The following PSKH1 variants were observed in gnomAD, a reference collection of about 807,000 sequenced individuals.
PSKH1 encodes protein serine kinase H1.
Under a neutral mutation model 26.7 loss-of-function variants are expected in PSKH1, and 12 were observed. That is an observed-to-expected ratio of 0.45 (90% CI 0.29 to 0.73). The LOEUF (loss-of-function observed/expected upper bound fraction) is 0.73. Among genes scored for constraint, PSKH1 ranks in the 30% least tolerant of loss-of-function variants. The pLI is 0.11. For synonymous variants in PSKH1, 213 were observed against 234.3 expected, an observed-to-expected ratio of 0.91 and a Z score of 0.83; for missense variants, 431 against 595.2, an observed-to-expected ratio of 0.72 and a Z score of 2.87.
At position 67,909,884 on chromosome 16, in the gene PSKH1, C is replaced by T. The variant is rs2058168583; in HGVS notation, c.957+178C>T. 1.6e-6 allele frequency: 1 copy of T among 621,674 alleles called. No homozygotes were observed. The highest frequency in any genetic ancestry group is 2.9e-5 in the Admixed American group (1 of 34,202). The allele number at this position is 621,674 out of a possible 1,614,324, so 38.5% of individuals were successfully genotyped here. A position where few individuals can be genotyped will look rare whatever the true frequency, so the allele number is the denominator to read the frequency against. Reference sequence around the variant, plus strand: ...TAGTTTGGGTTCCCTCAAGGTGAGCCCTGAGACAAGGACTTGGGAGCAGAT... The same window carrying T: ...TAGTTTGGGTTCCCTCAAGGTGAGCTCTGAGACAAGGACTTGGGAGCAGAT... On this transcript the variant is annotated intron_variant, in intron 2 of 2. Transcript: ENST00000291041. The surrounding 1 kb of genome is among the most constrained non-coding windows in gnomAD (Gnocchi z 7.8).
At chr16:67,907,064 C>T (rs918922721) in intron 1 of PSKH1, among the ~76,000 whole-genome samples, 2 of 149,982 alleles carry the variant, frequency 1.3e-5, no homozygotes, top group Admixed American at 6.6e-5. Flanking sequence ...CCCGGGTTCA[C>T]GCCATTCTCC....
At chr16:67,903,624 A>G (rs1412243762) in intron 1 of PSKH1, among the ~76,000 whole-genome samples, 1 of 151,770 alleles carries the variant, frequency 6.6e-6, no homozygotes, top group Non-Finnish European at 1.5e-5. Context: ...AGTAACCCAC[A>G]GTAAATGTCA....
intron 1 of PSKH1, among the ~76,000 whole-genome samples, chr16:67,907,677 T>A (rs1007813695): frequency 6.6e-6 from 1 of 152,130 alleles, no homozygotes; most frequent in Non-Finnish European, 1.5e-5. Flanking sequence ...GGGCCTTGTG[T>A]GGGATTTCAG....
intron 2 of PSKH1, among the ~76,000 whole-genome samples, chr16:67,914,820 A>G (rs1353608112): frequency 1.3e-5 from 2 of 152,174 alleles, no homozygotes; most frequent in African/African-American, 4.8e-5. Context: ...TTCTGGGAGC[A>G]CTGCATGGTG....
chr16:67,913,928 C>T, intron 2 of PSKH1, among the ~76,000 whole-genome samples: 2 of 151,930 alleles, frequency 1.3e-5, no homozygotes, highest in East Asian at 3.9e-4. Flanking sequence ...GAAGAGGGAA[C>T]CTGGAATTTG....
intron 2 of PSKH1, among the ~76,000 whole-genome samples, chr16:67,926,246 G>A (rs928886294): frequency 2.0e-5 from 3 of 152,188 alleles, no homozygotes; most frequent in Non-Finnish European, 4.4e-5. Context: ...TCACCTGGCT[G>A]AGCCCCAAGG....
chr16:67,899,541 T>G (rs963007202), intron 1 of PSKH1, among the ~76,000 whole-genome samples: 1 of 152,172 alleles, frequency 6.6e-6, no homozygotes, highest in Non-Finnish European at 1.5e-5. Flanking sequence ...TTCACCATGT[T>G]AGCCAGGATG....
chr16:67,922,013 T>C (rs1207133645), intron 2 of PSKH1, among the ~76,000 whole-genome samples: 2 of 151,960 alleles, frequency 1.3e-5, no homozygotes, highest in Non-Finnish European at 2.9e-5. Flanking sequence ...TAAAACTGCA[T>C]TATCTTCCCT....
rs150167118 is a variant in PSKH1, at chr16:67,909,040, G to A, written c.291G>A (p.Lys97=). 83 of 1,614,196 alleles carry A rather than the reference G, an allele frequency of 5.1e-5. No homozygotes were observed. The highest frequency in any genetic ancestry group is 5.3e-5 in the Non-Finnish European group (63 of 1,180,044). ...AGTTTGACCCACGTGTTACAGCTAAGTATGACATCAAGGCCCTAATTGGCC... is the reference window on the plus strand; with the variant it reads ...AGTTTGACCCACGTGTTACAGCTAAATATGACATCAAGGCCCTAATTGGCC... ...RAKFDPRVTA[K]YDIKALIGRG... Residue 97 remains lysine (K), a synonymous_variant, in exon 2 of 3, where the codon AAG becomes AAA. Transcript: ENST00000291041. This position sits in a 1 kb window ranked among gnomAD's most constrained non-coding sequence, Gnocchi z 7.8.
intron 1 of PSKH1, among the ~76,000 whole-genome samples, chr16:67,895,549 C>T: frequency 6.6e-6 from 1 of 151,984 alleles, no homozygotes; most frequent in East Asian, 1.9e-4. Flanking sequence ...GCTGGGATTA[C>T]AATCACGCAT....
At chr16:67,896,810 A>G (rs1258405270) in intron 1 of PSKH1, among the ~76,000 whole-genome samples, 1 of 152,176 alleles carries the variant, frequency 6.6e-6, no homozygotes, top group Non-Finnish European at 1.5e-5. Flanking sequence ...GTTAAGTTGC[A>G]TAAATGAGCT....
At chr16:67,908,394 C>T (rs902184331) in intron 1 of PSKH1, among the ~76,000 whole-genome samples, 5 of 152,270 alleles carry the variant, frequency 3.3e-5, no homozygotes, top group Admixed American at 2.6e-4. Context: ...CTCAGCCTCC[C>T]GAGTAGGTGG....
At chr16:67,911,248 C>T (rs571722521) in intron 2 of PSKH1, among the ~76,000 whole-genome samples, 9 of 152,334 alleles carry the variant, frequency 5.9e-5, no homozygotes, top group African/African-American at 2.2e-4. Context: ...TATGGACCTG[C>T]TGAGGTGCTA....
intron 1 of PSKH1, among the ~76,000 whole-genome samples, chr16:67,898,117 T>A (rs1266082855): frequency 6.6e-6 from 1 of 152,160 alleles, no homozygotes; most frequent in African/African-American, 2.4e-5. Flanking sequence ...CCCAAAGTGC[T>A]GGGATTACAG....
chr16:67,909,320 A>G lies in PSKH1; in HGVS notation c.571A>G (p.Thr191Ala). ...CCGCATCATTGCCAAGGGCTCCTTCACCGAGCGTGACGCCACGCGGGTGCT... is the reference window on the plus strand; with the variant it reads ...CCGCATCATTGCCAAGGGCTCCTTCGCCGAGCGTGACGCCACGCGGGTGCT... The part of the protein sequence containing the change: ...FDRIIAKGSF[T>A]ERDATRVLQM... The change falls in exon 2 of 3, where the codon ACC becomes GCC. Residue 191 changes from threonine (T) to alanine (A), a missense_variant. Transcript: ENST00000291041. The surrounding 1 kb of genome is among the most constrained non-coding windows in gnomAD (Gnocchi z 7.8). 6.2e-7 allele frequency: 1 copy of G among 1,613,962 alleles called. No individual in the cohort carries two copies. Among genetic ancestry groups the G allele is most frequent in the Non-Finnish European group, 8.5e-7 (1 of 1,179,982 alleles).
At chr16:67,916,602 A>C (rs1281811069) in intron 2 of PSKH1, among the ~76,000 whole-genome samples, 1 of 152,042 alleles carries the variant, frequency 6.6e-6, no homozygotes, top group Non-Finnish European at 1.5e-5. Context: ...CTGTGGGAGG[A>C]GCCCTCTGGG....
chr16:67,921,513 G>C (rs1281562600), intron 2 of PSKH1, among the ~76,000 whole-genome samples: 1 of 151,988 alleles, frequency 6.6e-6, no homozygotes, highest in East Asian at 1.9e-4. Context: ...AGGCGGAGTT[G>C]CAGTTAGCTG....
At chr16:67,926,006 C>T (rs913454646) in intron 2 of PSKH1, among the ~76,000 whole-genome samples, 1 of 152,046 alleles carries the variant, frequency 6.6e-6, no homozygotes, top group African/African-American at 2.4e-5. Context: ...TCCTGAACCC[C>T]CTGGAGGGCA....
At chr16:67,896,795 T>TG (rs1424368578) in intron 1 of PSKH1, among the ~76,000 whole-genome samples, 3 of 152,182 alleles carry the variant, frequency 2.0e-5, no homozygotes, top group Non-Finnish European at 4.4e-5. Context: ...TGTAGTTTTG[T>TG]GCTTGTTAAG....
Sources: gnomAD v4.1 joint callset for allele counts (sites outside exome capture counted in the v4.1 genomes callset) on GRCh38, gnomAD v4.1.1 for gene constraint, Gnocchi (gnomAD v3.1) non-coding constraint, MANE v1.5 for transcripts, NCBI Gene and HGNC (gene_info 2026-07-23, HGNC 2026-07-21) for gene names.